Variants in DNAJC15 observed in about 807,000 individuals in gnomAD.
The protein encoded by DNAJC15 is DnaJ heat shock protein family (Hsp40) member C15.
Under a neutral mutation model 22.4 loss-of-function variants are expected in DNAJC15, and 27 were observed. The ratio of observed to expected loss-of-function variants is 1.20; its 90% CI spans 0.89 to 1.66. The LOEUF is 1.66. Ranked by LOEUF, DNAJC15 falls within the 40% of genes most tolerant of loss-of-function variation. The pLI is 0.00. For missense variants in DNAJC15, 208 were observed against 187.1 expected (o/e 1.11, Z -0.65); for synonymous variants, 79 against 63.2 (o/e 1.25, Z -1.19).
At chr13:43,093,509 C>T (rs887602621) in intron 5 of DNAJC15, among the ~76,000 whole-genome samples, 6 of 152,168 alleles carry the variant, frequency 3.9e-5, no homozygotes, top group Non-Finnish European at 1.5e-5. Context: ...CTCTCAGACT[C>T]AAGCAGTCCT....
chr13:43,096,346 C>T (rs1566216642), intron 5 of DNAJC15, among the ~76,000 whole-genome samples: 1 of 152,176 alleles, frequency 6.6e-6, no homozygotes, highest in Non-Finnish European at 1.5e-5. Flanking sequence ...CTGCAATCCT[C>T]TATTTATTTG....
chr13:43,086,946 AGCAAG>A (rs544095177), intron 5 of DNAJC15, among the ~76,000 whole-genome samples: 265 of 152,294 alleles, frequency 1.7e-3, no homozygotes, highest in African/African-American at 5.8e-3. Flanking sequence ...TGGACTTCGG[AGCAAG>A]GGATCAGCAT....
intron 5 of DNAJC15, among the ~76,000 whole-genome samples, chr13:43,089,217 T>G (rs948774860): frequency 1.3e-5 from 2 of 152,234 alleles, no homozygotes; most frequent in Non-Finnish European, 2.9e-5. Context: ...AACCTGACAC[T>G]AATCTTCCAT....
At chr13:43,077,046 A>G (rs2040636927) in intron 3 of DNAJC15, among the ~76,000 whole-genome samples, 1 of 152,194 alleles carries the variant, frequency 6.6e-6, no homozygotes, top group Admixed American at 6.5e-5. Context: ...TTTTTAAACC[A>G]TCTTACTTCA....
chr13:43,107,523 CTACACA>C lies in DNAJC15; in HGVS notation c.*276_*281del, dbSNP rs756964252. The stretch of plus-strand genomic sequence containing the variant: ...TTTTTGTTATGTTCTGAATTCCCCC[CTACACA>C]CACACACACACACACACACACACAC... On this transcript the variant is annotated 3_prime_UTR_variant, in exon 6 of 6. Coordinates refer to ENST00000379221, the MANE Select transcript of DNAJC15 (RefSeq NM_013238.3). 1 of 93,706 alleles carries C rather than the reference CTACACA, an allele frequency of 1.1e-5. No homozygotes were observed. The highest frequency in any genetic ancestry group is 1.9e-5 in the Non-Finnish European group (1 of 51,764). 5.8% of individuals were successfully genotyped at this position (93,706 alleles called of 1,614,324 possible).
chr13:43,042,011 A>G (rs1371394206), intron 1 of DNAJC15, among the ~76,000 whole-genome samples: 1 of 152,068 alleles, frequency 6.6e-6, no homozygotes, highest in Non-Finnish European at 1.5e-5. Flanking sequence ...TGATTTCTTT[A>G]ATGGTTGGAT....
At chr13:43,061,033 G>C (rs938704228) in intron 1 of DNAJC15, among the ~76,000 whole-genome samples, 4 of 152,200 alleles carry the variant, frequency 2.6e-5, no homozygotes, top group African/African-American at 9.7e-5. Context: ...AGGAGTAGCA[G>C]AATAGCAGAT....
intron 4 of DNAJC15, among the ~76,000 whole-genome samples, chr13:43,083,154 A>G (rs1245896656): frequency 6.6e-6 from 1 of 151,928 alleles, no homozygotes; most frequent in Non-Finnish European, 1.5e-5. Context: ...TGTACGATAT[A>G]TAATCCTAAT....
At chr13:43,065,458 A>G (rs1259968630) in intron 1 of DNAJC15, among the ~76,000 whole-genome samples, 1 of 152,198 alleles carries the variant, frequency 6.6e-6, no homozygotes, top group Non-Finnish European at 1.5e-5. Context: ...GGATTCAAAT[A>G]TATGGAAATT....
intron 5 of DNAJC15, among the ~76,000 whole-genome samples, chr13:43,091,314 C>T (rs781201032): frequency 2.3e-4 from 35 of 152,140 alleles, no homozygotes; most frequent in Non-Finnish European, 4.4e-4. Context: ...TCACGAACTC[C>T]TGACGTCAGG....
At chr13:43,096,133 TAAATG>T (rs929665102) in intron 5 of DNAJC15, among the ~76,000 whole-genome samples, 2 of 152,078 alleles carry the variant, frequency 1.3e-5, no homozygotes, top group African/African-American at 2.4e-5. Flanking sequence ...TTGGGGGAAA[TAAATG>T]TAATGTTTTA....
chr13:43,061,280 G>T (rs532889697), intron 1 of DNAJC15, among the ~76,000 whole-genome samples: 1 of 152,268 alleles, frequency 6.6e-6, no homozygotes, highest in South Asian at 2.1e-4. Flanking sequence ...GGTGGGAGTG[G>T]TCAGATGAGA....
chr13:43,098,095 G>A (rs1386940918), intron 5 of DNAJC15, among the ~76,000 whole-genome samples: 4 of 152,138 alleles, frequency 2.6e-5, no homozygotes, highest in Admixed American at 2.6e-4. Flanking sequence ...AAACTTAGAG[G>A]GGATCTATGC....
Position 43,109,518 on chromosome 13 carries a change from A to G in DNAJC15, c.*2270A>G, listed in dbSNP as rs1466769369. The G allele has an allele frequency of 6.6e-6, 1 of 152,166 alleles. No individual in the cohort carries two copies. The highest frequency in any genetic ancestry group is 2.1e-4 in the South Asian group (1 of 4,838). 9.4% of individuals were successfully genotyped at this position (152,166 alleles called of 1,614,324 possible). A position where few individuals can be genotyped will look rare whatever the true frequency, so the allele number is the denominator to read the frequency against. On this transcript the variant is annotated 3_prime_UTR_variant, in exon 6 of 6. Coordinates refer to ENST00000379221, the MANE Select transcript of DNAJC15 (RefSeq NM_013238.3). ...TATTTTCCTAATCCATACTTTATTC[A>G]TGAGAATTTGAGTCACCCCAGCATT...
intron 5 of DNAJC15, among the ~76,000 whole-genome samples, chr13:43,100,600 A>C (rs1278210902): frequency 1.3e-5 from 2 of 152,078 alleles, no homozygotes; most frequent in Admixed American, 1.3e-4. Flanking sequence ...GGTGTTATTC[A>C]TGTTTAATAC....
At chr13:43,104,501 T>C (rs2040786512) in intron 5 of DNAJC15, among the ~76,000 whole-genome samples, 1 of 152,044 alleles carries the variant, frequency 6.6e-6, no homozygotes, top group South Asian at 2.1e-4. Flanking sequence ...GAGTTGGCCT[T>C]AAACATGATG....
At position 43,058,068 on chromosome 13, in the gene DNAJC15, G is replaced by A. The variant is rs2040540229; in HGVS notation, c.109-7618G>A. Among the ~76,000 whole-genome samples the A allele has an allele frequency of 3.3e-5, 5 of 152,300 alleles. No homozygotes were observed. The South Asian group carries it at 1.0e-3, about 32-fold the overall frequency. On this transcript the variant is annotated intron_variant, in intron 1 of 5. Coordinates refer to ENST00000379221, the MANE Select transcript of DNAJC15 (RefSeq NM_013238.3). ...GTGAGTTGGTTTTCTTGAATACTGG[G>A]TACTAGTAGTACAGTTGTTACATGG... is the stretch of plus-strand genomic sequence containing the variant.
intron 5 of DNAJC15, among the ~76,000 whole-genome samples, chr13:43,098,114 A>G (rs1593331572): frequency 6.6e-6 from 1 of 152,188 alleles, no homozygotes; most frequent in African/African-American, 2.4e-5. Context: ...GCAATATCAA[A>G]TACTTAAAAT....
rs2040826542 is a variant in DNAJC15 at position 43,111,898 on chromosome 13, A to C, written c.*4650A>C. 6.6e-6 allele frequency: 1 copy of C among 152,244 alleles called. No individual in the cohort carries two copies. The highest frequency in any genetic ancestry group is 6.5e-5 in the Admixed American group (1 of 15,288). 9.4% of individuals were successfully genotyped at this position (152,244 alleles called of 1,614,324 possible). On this transcript the variant is annotated 3_prime_UTR_variant, in exon 6 of 6. Coordinates refer to ENST00000379221, the MANE Select transcript of DNAJC15 (RefSeq NM_013238.3). ...ACTTGTCAAAAACATTCCATGAATT[A>C]TGAGTCAAAATTTTATTTATGGTGG...
Sources: allele counts gnomAD v4.1 joint callset (sites outside exome capture counted in the v4.1 genomes callset), GRCh38; gene constraint gnomAD v4.1.1; transcripts MANE v1.5; gene names NCBI Gene and HGNC (gene_info 2026-07-23, HGNC 2026-07-21).